The following ITSN1 variants were observed in gnomAD, a reference collection of about 807,000 sequenced individuals.
ITSN1 encodes the protein intersectin-1.
ITSN1 carries 58 observed loss-of-function variants against 239.8 expected under a neutral mutation model. That is an observed-to-expected ratio of 0.24 (90% CI 0.20 to 0.30). The LOEUF (loss-of-function observed/expected upper bound fraction) is 0.30. Among genes scored for constraint, ITSN1 ranks in the 10% least tolerant of loss-of-function variants. The pLI is 1.00. For missense variants in ITSN1, 1,558 were observed against 2,103.3 expected, an observed-to-expected ratio of 0.74 and a Z score of 5.07; for synonymous variants, 780 against 770.8, an observed-to-expected ratio of 1.01 and a Z score of -0.20.
chr21:33,737,283 A>T (rs972901865), intron 5 of ITSN1, among the ~76,000 whole-genome samples: 4 of 152,218 alleles, frequency 2.6e-5, no homozygotes, highest in African/African-American at 9.6e-5. Flanking sequence ...TAAACCTGCC[A>T]GGATTTCTGA....
chr21:33,864,458 C>G (rs1374605463), intron 31 of ITSN1, among the ~76,000 whole-genome samples: 1 of 152,192 alleles, frequency 6.6e-6, no homozygotes, highest in Non-Finnish European at 1.5e-5. Context: ...TCTGAGCACT[C>G]ACACTGCAGG....
At chr21:33,738,858 G>A (rs1010585528) in intron 5 of ITSN1, among the ~76,000 whole-genome samples, 1 of 152,042 alleles carries the variant, frequency 6.6e-6, no homozygotes, top group Admixed American at 6.5e-5. Flanking sequence ...GCAATGGCAC[G>A]ATCATAGCTC....
Position 33,888,529 on chromosome 21 carries a change from A to G in ITSN1, c.*229A>G. The G allele has an allele frequency of 2.0e-6, 1 of 497,268 alleles. No individual in the cohort carries two copies. Among genetic ancestry groups the G allele is most frequent in the Non-Finnish European group, 3.6e-6 (1 of 280,150 alleles). The allele number at this position is 497,268 out of a possible 1,614,324, so 30.8% of individuals were successfully genotyped here. The stretch of plus-strand genomic sequence containing the variant: ...AGCTGTGTTTTCCTTTGTCCTCACT[A>G]CAGGTCTCATTATGGCTTCTAGGGT... On this transcript the variant is annotated 3_prime_UTR_variant, in exon 40 of 40. Coordinates refer to ENST00000381318, the MANE Select transcript of ITSN1 (RefSeq NM_003024.3).
intron 16 of ITSN1, among the ~76,000 whole-genome samples, chr21:33,784,079 C>T (rs1288055511): frequency 1.3e-5 from 2 of 152,062 alleles, no homozygotes; most frequent in Non-Finnish European, 2.9e-5. Context: ...AGCCCTTTTT[C>T]CAAATATGCT....
intron 1 of ITSN1, among the ~76,000 whole-genome samples, chr21:33,672,781 G>A (rs1335723707): frequency 3.3e-5 from 5 of 151,394 alleles, no homozygotes; most frequent in Non-Finnish European, 2.9e-5. Context: ...GCGCAAACTC[G>A]GCTCACTGCA....
chr21:33,655,743 A>C (rs1303138203), intron 1 of ITSN1, among the ~76,000 whole-genome samples: 3 of 151,870 alleles, frequency 2.0e-5, no homozygotes, highest in Admixed American at 2.0e-4. Context: ...TTGAAACAAG[A>C]CTCTAAAGTG....
At chr21:33,686,060 G>C (rs2091220467) in intron 1 of ITSN1, among the ~76,000 whole-genome samples, 1 of 152,152 alleles carries the variant, frequency 6.6e-6, no homozygotes, top group Non-Finnish European at 1.5e-5. Flanking sequence ...CAACTTAGAA[G>C]GTAATTGATG....
intron 5 of ITSN1, among the ~76,000 whole-genome samples, chr21:33,748,464 A>G (rs935903530): frequency 6.6e-6 from 1 of 152,024 alleles, no homozygotes; most frequent in Non-Finnish European, 1.5e-5. Context: ...AAAAGAAAAA[A>G]AAGAAAATTT....
At chr21:33,830,916 A>G (rs1290641034) in intron 27 of ITSN1, among the ~76,000 whole-genome samples, 2 of 151,550 alleles carry the variant, frequency 1.3e-5, no homozygotes, top group African/African-American at 4.9e-5. Flanking sequence ...GGAGGGAGGG[A>G]GAACGCGCAC....
At chr21:33,842,146 C>T (rs1314922654) in intron 29 of ITSN1, among the ~76,000 whole-genome samples, 2 of 151,992 alleles carry the variant, frequency 1.3e-5, no homozygotes, top group African/African-American at 4.8e-5. Context: ...CCGCCTGCCT[C>T]GGCCTCCCAA....
At chr21:33,806,272 C>G (rs1200507749) in intron 20 of ITSN1, among the ~76,000 whole-genome samples, 2 of 152,034 alleles carry the variant, frequency 1.3e-5, no homozygotes, top group Admixed American at 1.3e-4. Flanking sequence ...TATTTCAAAA[C>G]CGGCAAATCC....
Position 33,750,546 on chromosome 21 carries a change from C to T in ITSN1, c.526+224C>T, listed in dbSNP as rs555498132. On this transcript the variant is annotated intron_variant, in intron 6 of 39. Coordinates refer to ENST00000381318, the MANE Select transcript of ITSN1 (RefSeq NM_003024.3). ...GAGAATTATAGATTTCTGGGTACCACTGTGGACAAAGGTGAGCTCAGCAGT... is the reference window on the plus strand; with the variant it reads ...GAGAATTATAGATTTCTGGGTACCATTGTGGACAAAGGTGAGCTCAGCAGT... Among the ~76,000 whole-genome samples the T allele has an allele frequency of 3.3e-5, 5 of 152,314 alleles. No individual in the cohort carries two copies. The East Asian group carries it at 5.8e-4, about 18-fold the overall frequency.
At chr21:33,841,598 G>A (rs887484160) in intron 29 of ITSN1, among the ~76,000 whole-genome samples, 1 of 152,206 alleles carries the variant, frequency 6.6e-6, no homozygotes, top group Non-Finnish European at 1.5e-5. Flanking sequence ...TTTGGTCTAA[G>A]AAGGAGGCTG....
chr21:33,867,372 C>T, intron 33 of ITSN1, 41 bp downstream of exon 33: 2 of 1,115,984 alleles, frequency 1.8e-6, no homozygotes, highest in South Asian at 2.5e-5. Flanking sequence ...GGACGGCTTT[C>T]TCTGCATTGG....
At chr21:33,690,805 A>G (rs1568946708) in intron 1 of ITSN1, among the ~76,000 whole-genome samples, 1 of 21,894 alleles carries the variant, frequency 4.6e-5, no homozygotes, top group African/African-American at 2.7e-4. Flanking sequence ...ATATATATAT[A>G]TATATATATG....
At chr21:33,709,399 G>T (rs1481965741) in intron 1 of ITSN1, among the ~76,000 whole-genome samples, 2 of 152,062 alleles carry the variant, frequency 1.3e-5, no homozygotes, top group Non-Finnish European at 1.5e-5. Context: ...GGGCCTCCCG[G>T]GTTCAAGCGA....
chr21:33,663,128 A>G (rs2089683462), intron 1 of ITSN1, among the ~76,000 whole-genome samples: 1 of 152,256 alleles, frequency 6.6e-6, no homozygotes, highest in Non-Finnish European at 1.5e-5. Flanking sequence ...TGTTTTGGAT[A>G]TATACTGAAG....
intron 29 of ITSN1, 43 bp downstream of exon 29, chr21:33,836,675 T>G: frequency 6.7e-7 from 1 of 1,484,902 alleles, no homozygotes; most frequent in Non-Finnish European, 9.3e-7. Flanking sequence ...CTCTGGTATC[T>G]TCCCGTAAAA....
chr21:33,730,389 T>A, intron 4 of ITSN1, among the ~76,000 whole-genome samples: 1 of 72,146 alleles, frequency 1.4e-5, no homozygotes, highest in African/African-American at 6.5e-5. Flanking sequence ...CTCTCTGTTC[T>A]TTTTTTTTTT....
Sources: gnomAD v4.1 joint callset for allele counts (sites outside exome capture counted in the v4.1 genomes callset) on GRCh38, gnomAD v4.1.1 for gene constraint, MANE v1.5 for transcripts, NCBI Gene and HGNC (gene_info 2026-07-23, HGNC 2026-07-21) for gene names.